The following STX2 variants were observed in gnomAD, a reference collection of about 807,000 sequenced individuals.
STX2 encodes the protein syntaxin 2, also known as syntaxin-2.
In STX2, 27 loss-of-function variants were observed where a neutral mutation model predicts 40.6. The observed-to-expected ratio is 0.66, with a 90% CI of 0.49 to 0.92. The LOEUF (loss-of-function observed/expected upper bound fraction) is 0.92, where lower values mean the gene tolerates loss of function less well. STX2 is among the 40% of genes least tolerant of loss of function. STX2 has a pLI of 0.00. For synonymous variants in STX2, 123 were observed against 119.1 expected, an observed-to-expected ratio of 1.03 and a Z score of -0.22; for missense variants, 328 against 366.1, an observed-to-expected ratio of 0.90 and a Z score of 0.85.
intron 9 of STX2, among the ~76,000 whole-genome samples, chr12:130,797,948 G>GTGTA: frequency 6.6e-6 from 1 of 152,322 alleles, no homozygotes; most frequent in South Asian, 2.1e-4. Context: ...TGCATCAAAT[G>GTGTA]TGTAGCCAAC....
intron 5 of STX2, among the ~76,000 whole-genome samples, chr12:130,808,188 C>T (rs190993797): frequency 1.8e-3 from 280 of 152,258 alleles, no homozygotes; most frequent in South Asian, 2.1e-3. Flanking sequence ...GATCTGGGCA[C>T]GGGAGGAGTG....
At chr12:130,823,372 C>T (rs1282116860) in intron 2 of STX2, among the ~76,000 whole-genome samples, 1 of 152,128 alleles carries the variant, frequency 6.6e-6, no homozygotes, top group Non-Finnish European at 1.5e-5. Flanking sequence ...CAATCCACAC[C>T]CTAATCCCAG....
chr12:130,793,831 T>G (rs1288995868), intron 10 of STX2, among the ~76,000 whole-genome samples: 1 of 152,230 alleles, frequency 6.6e-6, no homozygotes, highest in Non-Finnish European at 1.5e-5. Flanking sequence ...ATGTTAATAT[T>G]TTAAAAGTGA....
intron 3 of STX2, among the ~76,000 whole-genome samples, chr12:130,816,662 A>G (rs1319669587): frequency 6.6e-6 from 1 of 152,200 alleles, no homozygotes; most frequent in East Asian, 1.9e-4. Flanking sequence ...AAACCTAACA[A>G]GGTGCGAAAA....
At chr12:130,820,065 T>G (rs1385070546) in intron 3 of STX2, among the ~76,000 whole-genome samples, 2 of 152,240 alleles carry the variant, frequency 1.3e-5, no homozygotes, top group Non-Finnish European at 2.9e-5. Context: ...CTAAGTAATA[T>G]TCCAACAAAA....
chr12:130,798,878 T>C (rs557321149), intron 8 of STX2, among the ~76,000 whole-genome samples: 3 of 152,326 alleles, frequency 2.0e-5, no homozygotes, highest in Admixed American at 1.3e-4. Flanking sequence ...ATGTTGATAA[T>C]TAAAGGCACC....
chr12:130,815,785 G>C (rs938931503), intron 3 of STX2, among the ~76,000 whole-genome samples: 3 of 152,110 alleles, frequency 2.0e-5, no homozygotes, highest in African/African-American at 7.2e-5. Flanking sequence ...TTTGTTTTCT[G>C]GTGTTGTGCC....
intron 6 of STX2, among the ~76,000 whole-genome samples, chr12:130,805,713 C>T (rs80209892): frequency 0.014 from 2,192 of 152,276 alleles, 62 homozygotes; most frequent in African/African-American, 0.05. Flanking sequence ...AAGGCTAAAC[C>T]ATGCTCATGT....
chr12:130,818,310 G>T (rs1951966420), intron 3 of STX2, among the ~76,000 whole-genome samples: 1 of 149,536 alleles, frequency 6.7e-6, no homozygotes, highest in African/African-American at 2.5e-5. Context: ...GGCTGAGCCT[G>T]CAGTGGCAGT....
intron 3 of STX2, among the ~76,000 whole-genome samples, chr12:130,816,120 T>G (rs1212605460): frequency 6.6e-6 from 1 of 151,700 alleles, no homozygotes; most frequent in Non-Finnish European, 1.5e-5. Flanking sequence ...GAGGGCTGAG[T>G]GTAGGAGTCG....
intron 1 of STX2, 78 bp downstream of exon 1, chr12:130,838,992 A>C (rs1383292078): frequency 4.9e-3 from 1,336 of 274,938 alleles, no homozygotes; most frequent in Non-Finnish European, 6.1e-3. Context: ...AGCCCCGCCC[A>C]AGACGCCCCG....
At chr12:130,809,624 G>A (rs572845736) in intron 4 of STX2, among the ~76,000 whole-genome samples, 5 of 152,172 alleles carry the variant, frequency 3.3e-5, no homozygotes, top group South Asian at 2.1e-4. Context: ...CGAGACCAGC[G>A]TGGCCAACAT....
intron 4 of STX2, among the ~76,000 whole-genome samples, chr12:130,809,716 C>T (rs1284844336): frequency 1.3e-5 from 2 of 152,158 alleles, no homozygotes; most frequent in African/African-American, 4.8e-5. Context: ...ACTCGGGAGG[C>T]TGAGGCAGGA....
rs1439668602 is a variant in STX2, at chr12:130,789,759, G to C, written c.*2264C>G. 1 of 152,602 alleles carries C rather than the reference G, an allele frequency of 6.6e-6. No homozygotes were observed. Among genetic ancestry groups the C allele is most frequent in the Non-Finnish European group, 1.5e-5 (1 of 68,040 alleles). 9.5% of individuals were successfully genotyped at this position (152,602 alleles called of 1,614,324 possible). ...AAGAACCGATTAAAAAGTCTCAAGT[G>C]AATCTGTAAATACATTTTTAAGTCT... On this transcript the variant is annotated 3_prime_UTR_variant, in exon 11 of 11. Coordinates refer to ENST00000392373, the MANE Select transcript of STX2 (RefSeq NM_194356.4).
chr12:130,798,878 T>G (rs557321149), intron 8 of STX2, among the ~76,000 whole-genome samples: 5 of 152,208 alleles, frequency 3.3e-5, no homozygotes, highest in African/African-American at 1.2e-4. Flanking sequence ...ATGTTGATAA[T>G]TAAAGGCACC....
intron 3 of STX2, among the ~76,000 whole-genome samples, chr12:130,814,967 C>T (rs571975764): frequency 3.3e-5 from 5 of 152,228 alleles, no homozygotes; most frequent in South Asian, 4.1e-4. Flanking sequence ...GGCACAGTGG[C>T]GTGCACCTGT....
intron 1 of STX2, among the ~76,000 whole-genome samples, chr12:130,833,252 G>A (rs1271756461): frequency 4.0e-5 from 6 of 151,766 alleles, no homozygotes; most frequent in Non-Finnish European, 7.4e-5. Flanking sequence ...GTCAACAAAC[G>A]GAAACAGAGA....
intron 4 of STX2, chr12:130,812,320 T>C (rs1260356627): frequency 4.4e-6 from 2 of 449,612 alleles, no homozygotes; most frequent in East Asian, 1.4e-4. Context: ...TGATGAAATC[T>C]CAGATGCCTG....
At chr12:130,823,350 C>A (rs1481317360) in intron 2 of STX2, among the ~76,000 whole-genome samples, 1 of 152,150 alleles carries the variant, frequency 6.6e-6, no homozygotes, top group East Asian at 1.9e-4. Context: ...TTAACCATTA[C>A]ATGTTGTGGC....
Sources: gnomAD v4.1 joint callset for allele counts (sites outside exome capture counted in the v4.1 genomes callset) on GRCh38, gnomAD v4.1.1 for gene constraint, MANE v1.5 for transcripts, NCBI Gene and HGNC (gene_info 2026-07-23, HGNC 2026-07-21) for gene names.